GRIN2D: variants seen among roughly 807,000 people sequenced by gnomAD.
The protein encoded by GRIN2D is glutamate ionotropic receptor NMDA type subunit 2D, also known as glutamate receptor ionotropic, NMDA 2D.
In GRIN2D, 37 loss-of-function variants were observed where a neutral mutation model predicts 103.2. The observed-to-expected ratio is 0.36, with a 90% CI of 0.28 to 0.47. The LOEUF (loss-of-function observed/expected upper bound fraction) is 0.47, where lower values mean the gene tolerates loss of function less well. Ranked by LOEUF, GRIN2D falls within the 20% of genes least tolerant of loss-of-function variation. The pLI is 1.00. For missense variants in GRIN2D, 1,557 were observed against 1,910.6 expected, an observed-to-expected ratio of 0.81 and a Z score of 3.45; for synonymous variants, 845 against 885.6, an observed-to-expected ratio of 0.95 and a Z score of 0.81.
chr19:48,442,442 G>A lies in GRIN2D; in HGVS notation c.2673+60G>A. 6.4e-7 allele frequency: 1 copy of A among 1,562,700 alleles called. No individual in the cohort carries two copies. Among genetic ancestry groups the A allele is most frequent in the Non-Finnish European group, 8.7e-7 (1 of 1,149,328 alleles). On this transcript the variant is annotated intron_variant, in intron 13 of 13. Transcript: ENST00000263269. This position sits in a 1 kb window ranked among gnomAD's most constrained non-coding sequence, Gnocchi z 7.2. The stretch of plus-strand genomic sequence containing the variant: ...TGGCAGGGGCGGGGACAAAGGTAAA[G>A]CCGAGCAGAGACAAGGAGATGTGGG...
In GRIN2D at chr19:48,442,990, G is replaced by A. The variant is rs1971320573; in HGVS notation, c.3064G>A (p.Gly1022Ser). The change falls in exon 14 of 14, where the codon GGC (glycine) becomes AGC (serine). Residue 1022 changes from glycine (G) to serine (S), a missense_variant. By Grantham distance (56) the Gly-to-Ser change is moderately conservative. Transcript: ENST00000263269. This position sits in a 1 kb window ranked among gnomAD's most constrained non-coding sequence, Gnocchi z 7.2. The part of the protein sequence containing the change: ...RDKEPAEPPA[G>S]AFPGFPSPPA... ...CAAGGAGCCAGCCGAGCCCCCCGCC[G>A]GCGCCTTCCCCGGCTTCCCGTCGCC... 2 of 1,107,778 alleles carry A rather than the reference G, an allele frequency of 1.8e-6. No individual in the cohort carries two copies. The highest frequency in any genetic ancestry group is 2.2e-6 in the Non-Finnish European group (2 of 904,362). 68.6% of individuals were successfully genotyped at this position (1,107,778 alleles called of 1,614,324 possible). A position where few individuals can be genotyped will look rare whatever the true frequency, so the allele number is the denominator to read the frequency against.
intron 2 of GRIN2D, among the ~76,000 whole-genome samples, chr19:48,395,639 CCTAGGAA>C (rs1484712624): frequency 6.6e-6 from 1 of 151,872 alleles, no homozygotes; most frequent in African/African-American, 2.4e-5. Context: ...ACAGGGACAC[CCTAGGAA>C]TTTCTGGCAC....
intron 4 of GRIN2D, among the ~76,000 whole-genome samples, chr19:48,409,812 G>T (rs143604081): frequency 1.3e-5 from 2 of 151,348 alleles, no homozygotes; most frequent in East Asian, 2.0e-4. Flanking sequence ...ATACAGTCTC[G>T]CTCTGTTGCC....
At chr19:48,423,539 C>A (rs999794652) in intron 11 of GRIN2D, among the ~76,000 whole-genome samples, 1 of 152,018 alleles carries the variant, frequency 6.6e-6, no homozygotes, top group African/African-American at 2.4e-5. Context: ...GTGCAGAGCC[C>A]TGCAGGAGGT....
chr19:48,443,164 G>A lies in GRIN2D; in HGVS notation c.3238G>A (p.Gly1080Arg). 2.0e-6 allele frequency: 2 copies of A among 1,010,010 alleles called. No homozygotes were observed. Among genetic ancestry groups the A allele is most frequent in the Non-Finnish European group, 2.4e-6 (2 of 844,136 alleles). The allele number at this position is 1,010,010 out of a possible 1,614,324, so 62.6% of individuals were successfully genotyped here. The change falls in exon 14 of 14, where the codon GGG becomes AGG. Residue 1080 changes from glycine to arginine, a missense_variant. By Grantham distance (125) the Gly-to-Arg change is moderately radical (BLOSUM62 -2). Around this residue, in one of 7 missense-constraint regions of GRIN2D, gnomAD observed 632 missense variants for 572.8 expected, o/e 1.10. Transcript: ENST00000263269. This position sits in a 1 kb window ranked among gnomAD's most constrained non-coding sequence, Gnocchi z 8.9. ...GCTGGGGCCAGGCGCGGGCGGCGCG[G>A]GGGGCACGGGGGGCGCAGGCGGAGG... The part of the protein sequence containing the change: ...PLLGPGAGGA[G>R]GTGGAGGGAP...
In GRIN2D at chr19:48,414,806, C is replaced by T; in HGVS notation, c.1413-58C>T. On this transcript the variant is annotated intron_variant, in intron 6 of 13. Transcript: ENST00000263269. The surrounding 1 kb of genome is among the most constrained non-coding windows in gnomAD (Gnocchi z 4.6). ...TATCCCTTCCTCCATATCCTCTCTT[C>T]ATGAGAGAGTCTAAGGAGGGGGTCC... 3.9e-6 allele frequency: 6 copies of T among 1,556,606 alleles called. No homozygotes were observed. Among genetic ancestry groups the T allele is most frequent in the Non-Finnish European group, 5.3e-6 (6 of 1,135,216 alleles).
intron 11 of GRIN2D, among the ~76,000 whole-genome samples, chr19:48,433,261 G>A (rs1228586405): frequency 2.0e-5 from 3 of 151,592 alleles, no homozygotes; most frequent in African/African-American, 4.8e-5. Flanking sequence ...CCAGCTACTC[G>A]GGAGGCTGAG....
At position 48,442,066 on chromosome 19, in the gene GRIN2D, G is replaced by A. The variant is rs1971301610; in HGVS notation, c.2441-84G>A. On this transcript the variant is annotated intron_variant, in intron 12 of 13. Transcript: ENST00000263269. This position sits in a 1 kb window ranked among gnomAD's most constrained non-coding sequence, Gnocchi z 7.2. ...GACACCAGGGTCTGAGGGAGGAAGG[G>A]GCTAAGGGCCTACATTCCCACATCA... 1 of 1,517,078 alleles carries A rather than the reference G, an allele frequency of 6.6e-7. No individual in the cohort carries two copies. 94.0% of individuals were successfully genotyped at this position (1,517,078 alleles called of 1,614,324 possible). A position where few individuals can be genotyped will look rare whatever the true frequency, so the allele number is the denominator to read the frequency against.
In GRIN2D at chr19:48,405,336, C is replaced by T. The variant is rs1212817821; in HGVS notation, c.1068C>T (p.Arg356=). 5 of 1,587,632 alleles carry T rather than the reference C, an allele frequency of 3.1e-6. No individual in the cohort carries two copies. In the South Asian group the frequency reaches 3.4e-5, roughly 11 times the overall value. The change falls in exon 4 of 14, where the codon CGC becomes CGT. Residue 356 remains arginine (R), a synonymous_variant. Coordinates refer to ENST00000263269, the MANE Select transcript of GRIN2D (RefSeq NM_000836.4). The surrounding 1 kb of genome is among the most constrained non-coding windows in gnomAD (Gnocchi z 5.1). The part of the protein sequence containing the change: ...HDCRAQNRTH[R]GESLHRYFMN... ...GTCGCGCCCAGAACCGCACCCACCG[C>T]GGCGAGAGTCTGCATAGGTGAGTGG...
In GRIN2D at chr19:48,444,038, G is replaced by A; in HGVS notation, c.*101G>A. Reference sequence around the variant, plus strand: ...CCCGCGTGGGTTGGGAAGGAAAGCAGTGGAACTGGCCGGACCCCGCCTGGA... The same window carrying A: ...CCCGCGTGGGTTGGGAAGGAAAGCAATGGAACTGGCCGGACCCCGCCTGGA... On this transcript the variant is annotated 3_prime_UTR_variant, in exon 14 of 14. Transcript: ENST00000263269. The surrounding 1 kb of genome is among the most constrained non-coding windows in gnomAD (Gnocchi z 5.5). 1 of 792,330 alleles carries A rather than the reference G, an allele frequency of 1.3e-6. No homozygotes were observed. Among genetic ancestry groups the A allele is most frequent in the Non-Finnish European group, 1.8e-6 (1 of 559,760 alleles). The allele number at this position is 792,330 out of a possible 1,614,324, so 49.1% of individuals were successfully genotyped here. A position where few individuals can be genotyped will look rare whatever the true frequency, so the allele number is the denominator to read the frequency against.
intron 11 of GRIN2D, among the ~76,000 whole-genome samples, chr19:48,426,179 G>A (rs1464806397): frequency 2.7e-5 from 4 of 145,994 alleles, no homozygotes; most frequent in Non-Finnish European, 6.0e-5. Context: ...TATGAATATT[G>A]CTTTTTTTCT....
chr19:48,407,743 T>C (rs550532666), intron 4 of GRIN2D, among the ~76,000 whole-genome samples: 1 of 152,276 alleles, frequency 6.6e-6, no homozygotes, highest in African/African-American at 2.4e-5. Context: ...AGAAATGCAA[T>C]GAGCAAATAA....
At chr19:48,427,037 C>G (rs1971094866) in intron 11 of GRIN2D, among the ~76,000 whole-genome samples, 1 of 151,940 alleles carries the variant, frequency 6.6e-6, no homozygotes, top group Non-Finnish European at 1.5e-5. Context: ...TCTTCCAAAA[C>G]AGTTAGGCAC....
In GRIN2D at chr19:48,404,988, C is replaced by T. The variant is rs200407469; in HGVS notation, c.720C>T (p.Ser240=). The change falls in exon 4 of 14, where the codon AGC becomes AGT. Residue 240 remains serine, a synonymous_variant. Coordinates refer to ENST00000263269, the MANE Select transcript of GRIN2D (RefSeq NM_000836.4). ...TCAGTGCCCAGCTCCGCAGTGTCAG[C>T]GCGCAGATCCGCCTGCTCTTCTGCG... The part of the protein sequence containing the change: ...AVLSAQLRSV[S]AQIRLLFCAR... 2.7e-5 allele frequency: 43 copies of T among 1,612,174 alleles called. No homozygotes were observed. In the African/African-American group the frequency reaches 3.7e-4, roughly 14 times the overall value.
intron 11 of GRIN2D, among the ~76,000 whole-genome samples, chr19:48,428,345 C>G (rs1356804500): frequency 1.4e-5 from 2 of 147,198 alleles, no homozygotes; most frequent in African/African-American, 5.0e-5. Flanking sequence ...TCAAGCTCCC[C>G]CCTCCCCCTC....
chr19:48,409,277 T>TC lies in GRIN2D; in HGVS notation c.1085+3924_1085+3925insC, dbSNP rs1265053143. 4.7e-5 allele frequency among the ~76,000 whole-genome samples: 6 copies of TC among 127,268 alleles called. No homozygotes were observed. In the South Asian group the frequency reaches 7.2e-4, roughly 15 times the overall value. 83.5% of individuals were successfully genotyped at this position (127,268 alleles called of 152,430 possible). A position where few individuals can be genotyped will look rare whatever the true frequency, so the allele number is the denominator to read the frequency against. The stretch of plus-strand genomic sequence containing the variant: ...AATGGCAATGGCAATTAAATTTCTT[T>TC]TTTTTTTTTTTTTTTTTTTGAGATG... On this transcript the variant is annotated intron_variant, in intron 4 of 13. Transcript: ENST00000263269.
chr19:48,408,477 C>T (rs1970817966), intron 4 of GRIN2D, among the ~76,000 whole-genome samples: 1 of 151,676 alleles, frequency 6.6e-6, no homozygotes, highest in African/African-American at 2.4e-5. Context: ...CCAGCCTGTG[C>T]AACAAAGTGA....
chr19:48,427,472 CTTTTTTTTTTT>C (rs1038381293), intron 11 of GRIN2D, among the ~76,000 whole-genome samples: 1 of 83,240 alleles, frequency 1.2e-5, no homozygotes, highest in African/African-American at 5.1e-5. Flanking sequence ...ATCTTCTTTT[CTTTTTTTTTTT>C]TTTTTTTTTT....
chr19:48,423,570 C>A (rs749407489), intron 11 of GRIN2D, among the ~76,000 whole-genome samples: 1 of 151,986 alleles, frequency 6.6e-6, no homozygotes, highest in Non-Finnish European at 1.5e-5. Context: ...GCCAGGTGGA[C>A]TTCCGGAAGC....
Sources: gnomAD v4.1 joint callset for allele counts (sites outside exome capture counted in the v4.1 genomes callset) on GRCh38, gnomAD v4.1.1 for gene constraint, gnomAD v4.1.1 regional missense constraint, Gnocchi (gnomAD v3.1) non-coding constraint, MANE v1.5 for transcripts, NCBI Gene and HGNC (gene_info 2026-07-23, HGNC 2026-07-21) for gene names.